The following TMEM9 variants were observed in gnomAD, a reference collection of about 807,000 sequenced individuals.
TMEM9 encodes the protein transmembrane protein 9, also known as proton-transporting V-type ATPase complex assembly regulator TMEM9.
Under a neutral mutation model 22.8 loss-of-function variants are expected in TMEM9, and 13 were observed. The observed-to-expected ratio is 0.57, with a 90% CI of 0.37 to 0.91. The LOEUF is 0.91. TMEM9 is among the 40% of genes least tolerant of loss of function. TMEM9 has a pLI of 0.01. For synonymous variants in TMEM9, 88 were observed against 93.0 expected (o/e 0.95, Z 0.31); for missense variants, 182 against 238.1 (o/e 0.76, Z 1.55).
chr1:201,139,581 T>G (rs1157301396), intron 4 of TMEM9, among the ~76,000 whole-genome samples: 2 of 152,004 alleles, frequency 1.3e-5, no homozygotes, highest in Non-Finnish European at 2.9e-5. Flanking sequence ...CCTCCCCCCT[T>G]ACCCCCCAGC....
intron 1 of TMEM9, among the ~76,000 whole-genome samples, chr1:201,164,795 T>C (rs553466621): frequency 6.6e-6 from 1 of 152,226 alleles, no homozygotes; most frequent in South Asian, 2.1e-4. Context: ...CGCATTGTTG[T>C]GGCTTATGAA....
At chr1:201,138,987 A>G (rs1664259322) in intron 4 of TMEM9, among the ~76,000 whole-genome samples, 1 of 152,224 alleles carries the variant, frequency 6.6e-6, no homozygotes, top group African/African-American at 2.4e-5. Flanking sequence ...TAAAGGAACC[A>G]ATGCTCAGGA....
chr1:201,138,351 T>TA (rs1664192604), intron 4 of TMEM9, among the ~76,000 whole-genome samples: 1 of 152,228 alleles, frequency 6.6e-6, no homozygotes, highest in African/African-American at 2.4e-5. Context: ...AAGCTGCCAC[T>TA]GAGAGGCTGA....
upstream of TMEM9, among the ~76,000 whole-genome samples, chr1:201,157,191 A>T (rs1375241679): frequency 6.6e-6 from 1 of 152,224 alleles, no homozygotes; most frequent in African/African-American, 2.4e-5. Context: ...TCATCTATAC[A>T]GGGCATCTCA....
chr1:201,147,397 G>A (rs904607134), intron 2 of TMEM9, among the ~76,000 whole-genome samples: 2 of 152,038 alleles, frequency 1.3e-5, no homozygotes, highest in African/African-American at 2.4e-5. Flanking sequence ...TTCACTGTCC[G>A]GGTCAAACCC....
Position 201,153,979 on chromosome 1 carries a change from G to T in TMEM9, c.-56C>A, listed in dbSNP as rs759651560. ...GGACACCTGGAAAAAGAGATACGGA[G>T]TCGGAGAAGGGGAAGGTGGCCACAC... On this transcript the variant is annotated 5_prime_UTR_variant, in exon 1 of 5. Coordinates refer to ENST00000367330, the MANE Select transcript of TMEM9 (RefSeq NM_001288565.2). 5.4e-5 allele frequency: 85 copies of T among 1,561,678 alleles called. No homozygotes were observed. Among genetic ancestry groups the T allele is most frequent in the Non-Finnish European group, 5.8e-5 (67 of 1,153,262 alleles).
intron 2 of TMEM9, among the ~76,000 whole-genome samples, chr1:201,150,618 T>A (rs993821089): frequency 6.6e-6 from 1 of 152,184 alleles, no homozygotes; most frequent in Non-Finnish European, 1.5e-5. Context: ...AGTCTGTCTA[T>A]CTAACTAGAC....
At chr1:201,169,400 G>T (rs1666159493) in intron 1 of TMEM9, among the ~76,000 whole-genome samples, 1 of 152,214 alleles carries the variant, frequency 6.6e-6, no homozygotes, top group Non-Finnish European at 1.5e-5. Context: ...AATAAGGGTA[G>T]TGGTGATCCA....
chr1:201,168,372 A>G (rs875495), intron 1 of TMEM9, among the ~76,000 whole-genome samples: 74,637 of 151,984 alleles, frequency 0.49, 19,573 homozygotes, highest in Admixed American at 0.6. Context: ...TAGGGGAGGG[A>G]AATAAAGATG....
chr1:201,169,033 C>A (rs1572143998), intron 1 of TMEM9, among the ~76,000 whole-genome samples: 2 of 145,654 alleles, frequency 1.4e-5, no homozygotes, highest in African/African-American at 5.1e-5. Context: ...AACTCCTGGG[C>A]TAAAGCGATT....
intron 1 of TMEM9, among the ~76,000 whole-genome samples, chr1:201,153,357 G>A (rs1572131220): frequency 6.6e-6 from 1 of 152,228 alleles, no homozygotes; most frequent in East Asian, 1.9e-4. Context: ...ATGGTTCAGT[G>A]TAGATAAACT....
rs1663919978 is a variant in TMEM9, at chr1:201,135,637, G to A, written c.*26C>T. 1.3e-6 allele frequency: 2 copies of A among 1,584,598 alleles called. No individual in the cohort carries two copies. The highest frequency in any genetic ancestry group is 2.3e-5 in the South Asian group (2 of 86,582). On this transcript the variant is annotated 3_prime_UTR_variant, in exon 5 of 5. Coordinates refer to ENST00000367330, the MANE Select transcript of TMEM9 (RefSeq NM_001288565.2). ...GGAAGCTGGCAGCCATGGTGTTGGG[G>A]CCTTGACCCAACCACACCAGCCCAT...
intron 4 of TMEM9, among the ~76,000 whole-genome samples, chr1:201,140,695 T>TCC (rs2102233670): frequency 6.6e-6 from 1 of 152,264 alleles, no homozygotes; most frequent in African/African-American, 2.4e-5. Context: ...GGTCCCAGAC[T>TCC]TCTGGGGCGT....
intron 3 of TMEM9, among the ~76,000 whole-genome samples, chr1:201,146,309 T>G (rs191836180): frequency 6.6e-6 from 1 of 152,332 alleles, no homozygotes; most frequent in South Asian, 2.1e-4. Context: ...GCTCTGATGC[T>G]TTTTAGAGGA....
intron 1 of TMEM9, among the ~76,000 whole-genome samples, chr1:201,152,649 T>C (rs1287671984): frequency 5.3e-5 from 8 of 152,222 alleles, no homozygotes; most frequent in Non-Finnish European, 4.4e-5. Context: ...TCATGTAATT[T>C]GATTCTCCCT....
At position 201,146,329 on chromosome 1, in the gene TMEM9, C is replaced by T. The variant is rs59231602; in HGVS notation, c.267+411G>A. Among the ~76,000 whole-genome samples the T allele has an allele frequency of 2.5e-3, 387 of 152,356 alleles. 3 individuals are homozygous for T. Among genetic ancestry groups the T allele is most frequent in the African/African-American group, 8.4e-3 (350 of 41,580 alleles). On this transcript the variant is annotated intron_variant, in intron 3 of 4. Transcript: ENST00000367330. ...GATGCTTTTTAGAGGAGCTTAGTCA[C>T]TTTGGAAGCTTAATTAGACTAAGCT...
intron 2 of TMEM9, among the ~76,000 whole-genome samples, chr1:201,151,135 T>C (rs919386666): frequency 2.0e-5 from 3 of 152,178 alleles, no homozygotes; most frequent in African/African-American, 7.2e-5. Flanking sequence ...TCATCGTGTG[T>C]CCCCAAGTCC....
intron 2 of TMEM9, 32 bp from the exon 3 acceptor site, chr1:201,146,880 AG>A (rs1243937497): frequency 6.2e-7 from 1 of 1,602,132 alleles, no homozygotes; most frequent in South Asian, 1.1e-5. Flanking sequence ...CTGTCGAGGC[AG>A]GGCCACCACG....
intron 1 of TMEM9, among the ~76,000 whole-genome samples, chr1:201,162,229 C>G (rs1369303145): frequency 6.6e-6 from 1 of 150,790 alleles, no homozygotes; most frequent in East Asian, 1.9e-4. Context: ...AATCATGGCT[C>G]ACTGCAGCCT....
Sources: allele counts gnomAD v4.1 joint callset (sites outside exome capture counted in the v4.1 genomes callset), GRCh38; gene constraint gnomAD v4.1.1; transcripts MANE v1.5; gene names NCBI Gene and HGNC (gene_info 2026-07-23, HGNC 2026-07-21).